The following NEK1 variants were observed in gnomAD, a reference collection of about 807,000 sequenced individuals.
The protein encoded by NEK1 is NIMA related kinase 1.
In NEK1, 137 loss-of-function variants were observed where a neutral mutation model predicts 182.1. That is an observed-to-expected ratio of 0.75 (90% confidence interval 0.65 to 0.87). The LOEUF (loss-of-function observed/expected upper bound fraction) is 0.87, where lower values mean the gene tolerates loss of function less well. Ranked by LOEUF, NEK1 falls within the 40% of genes least tolerant of loss-of-function variation. The probability of loss-of-function intolerance (pLI) is 0.00; values close to 1 mark genes in which losing one functional copy is unlikely to be tolerated. For synonymous variants in NEK1, 513 were observed against 492.2 expected, an observed-to-expected ratio of 1.04 and a Z score of -0.56; for missense variants, 1,391 against 1,494.4, an observed-to-expected ratio of 0.93 and a Z score of 1.14.
intron 18 of NEK1, among the ~76,000 whole-genome samples, chr4:169,548,438 CA>C (rs141947519): frequency 0.058 from 8,780 of 152,302 alleles, 841 homozygotes; most frequent in African/African-American, 0.2. Flanking sequence ...TCAGGATACA[CA>C]GGGGTCAGGG....
At chr4:169,591,785 A>ATAAAGTT (rs1396781011) in intron 5 of NEK1, among the ~76,000 whole-genome samples, 1 of 152,190 alleles carries the variant, frequency 6.6e-6, no homozygotes, top group Non-Finnish European at 1.5e-5. Flanking sequence ...AAAAAGACTG[A>ATAAAGTT]TAAAGTTGAC....
chr4:169,488,654 A>G (rs1749490520), intron 23 of NEK1, among the ~76,000 whole-genome samples: 1 of 152,270 alleles, frequency 6.6e-6, no homozygotes, highest in South Asian at 2.1e-4. Context: ...TTACTGAAGA[A>G]AATGCACCAA....
At chr4:169,502,677 C>T (rs1402465101) in intron 23 of NEK1, among the ~76,000 whole-genome samples, 1 of 152,024 alleles carries the variant, frequency 6.6e-6, no homozygotes, top group Non-Finnish European at 1.5e-5. Flanking sequence ...TAAAATCCAA[C>T]ATTGCTTTAT....
At chr4:169,426,461 T>C (rs1736409208) in intron 29 of NEK1, among the ~76,000 whole-genome samples, 1 of 152,228 alleles carries the variant, frequency 6.6e-6, no homozygotes, top group Non-Finnish European at 1.5e-5. Flanking sequence ...AGGCTCACCA[T>C]GTTTTATAAC....
In NEK1 at chr4:169,576,986, T is replaced by C. The variant is rs373705217; in HGVS notation, c.962A>G (p.Tyr321Cys). 6.2e-7 allele frequency: 1 copy of C among 1,612,818 alleles called. No homozygotes were observed. Among genetic ancestry groups the C allele is most frequent in the African/African-American group, 1.3e-5 (1 of 74,928 alleles). The change falls in exon 12 of 36, where the codon TAT becomes TGT. Residue 321 changes from tyrosine (Y) to cysteine (C), a missense_variant. Transcript: ENST00000507142. ...TAATTTTTTATCTCCATATTTCTTA[T>C]ATGCTAAAGGTATTCCATATTTAGC... Reference protein sequence around the residue: ...PAAKYGIPLAYKKYGDKKLHE... With the variant: ...PAAKYGIPLACKKYGDKKLHE...
intron 19 of NEK1, among the ~76,000 whole-genome samples, chr4:169,512,580 G>C (rs547814547): frequency 1.3e-5 from 2 of 151,804 alleles, no homozygotes; most frequent in East Asian, 3.9e-4. Context: ...CTCTTAACAG[G>C]GTCTTTTGCA....
chr4:169,508,926 G>T, intron 19 of NEK1, 74 bp from the exon 20 acceptor site: 1 of 1,235,642 alleles, frequency 8.1e-7, no homozygotes, highest in Non-Finnish European at 1.1e-6. Flanking sequence ...GAATATCCAG[G>T]TGCTACTTTA....
chr4:169,510,104 C>T (rs1332428955), intron 19 of NEK1, among the ~76,000 whole-genome samples: 1 of 152,108 alleles, frequency 6.6e-6, no homozygotes, highest in Non-Finnish European at 1.5e-5. Flanking sequence ...TTTCAATTGT[C>T]ACTATTTTTC....
chr4:169,528,889 C>T (rs1007562622), intron 19 of NEK1, among the ~76,000 whole-genome samples: 21 of 151,980 alleles, frequency 1.4e-4, no homozygotes, highest in African/African-American at 3.9e-4. Flanking sequence ...CCCTAACAAA[C>T]GTAAAAGGAC....
intron 27 of NEK1, among the ~76,000 whole-genome samples, chr4:169,455,232 T>A (rs1223015911): frequency 6.6e-6 from 1 of 151,932 alleles, no homozygotes; most frequent in African/African-American, 2.4e-5. Context: ...ATGTAAATGA[T>A]GAGTTGATTG....
intron 30 of NEK1, among the ~76,000 whole-genome samples, chr4:169,425,325 G>A (rs1736189802): frequency 1.3e-5 from 2 of 152,102 alleles, no homozygotes; most frequent in Non-Finnish European, 2.9e-5. Context: ...TCTGGAGGAT[G>A]AGGTGAGGGT....
chr4:169,413,557 A>G (rs936707895), intron 31 of NEK1, among the ~76,000 whole-genome samples: 1 of 152,230 alleles, frequency 6.6e-6, no homozygotes, highest in Non-Finnish European at 1.5e-5. Flanking sequence ...TTATGAATAA[A>G]TAAGTGATAA....
intron 26 of NEK1, among the ~76,000 whole-genome samples, chr4:169,469,739 T>C (rs1405973611): frequency 1.3e-5 from 2 of 152,146 alleles, no homozygotes; most frequent in Non-Finnish European, 2.9e-5. Flanking sequence ...CCCACTATTA[T>C]TATGTGGGAG....
chr4:169,571,857 T>G (rs1345184649), intron 12 of NEK1, among the ~76,000 whole-genome samples: 1 of 151,404 alleles, frequency 6.6e-6, no homozygotes, highest in Non-Finnish European at 1.5e-5. Context: ...GCCTCCTGAG[T>G]AGCTGGGATT....
At chr4:169,592,890 C>T (rs1768781786) in intron 5 of NEK1, among the ~76,000 whole-genome samples, 1 of 151,944 alleles carries the variant, frequency 6.6e-6, no homozygotes, top group Non-Finnish European at 1.5e-5. Flanking sequence ...AGCTTTTTAA[C>T]AGAGATATAT....
chr4:169,415,057 T>A (rs1262208394), intron 31 of NEK1, among the ~76,000 whole-genome samples: 1 of 152,244 alleles, frequency 6.6e-6, no homozygotes, highest in East Asian at 1.9e-4. Flanking sequence ...CTGCATGGCA[T>A]GCCTTTGCAG....
intron 19 of NEK1, among the ~76,000 whole-genome samples, chr4:169,528,436 C>A (rs1483196228): frequency 1.3e-5 from 2 of 152,140 alleles, no homozygotes; most frequent in Non-Finnish European, 2.9e-5. Context: ...GAAATAAATT[C>A]TCTCACTAAC....
Position 169,400,558 on chromosome 4 carries a change from C to T in NEK1, c.3677G>A (p.Gly1226Asp). 2 of 1,607,480 alleles carry T rather than the reference C, an allele frequency of 1.2e-6. No homozygotes were observed. Among genetic ancestry groups the T allele is most frequent in the Non-Finnish European group, 1.7e-6 (2 of 1,177,548 alleles). Residue 1226 changes from glycine (G) to aspartate (D), a missense_variant, in exon 34 of 36, where the codon GGC (glycine) becomes GAC (aspartate). Gly to Asp is a moderately conservative substitution (Grantham distance 94). Coordinates refer to ENST00000507142, the MANE Select transcript of NEK1 (RefSeq NM_001199397.3). ...ELRLHLEQEM[G>D]FEKFFEVYEK... Reference sequence around the variant, plus strand: ...ATAAACCTCAAAGAATTTTTCAAAGCCCATTTCCTGCTCCAGATGAAGTCT... The same window carrying T: ...ATAAACCTCAAAGAATTTTTCAAAGTCCATTTCCTGCTCCAGATGAAGTCT...
chr4:169,577,199 T>C (rs1380902038), intron 11 of NEK1, 120 bp from the exon 12 acceptor site: 5 of 949,792 alleles, frequency 5.3e-6, no homozygotes, highest in Non-Finnish European at 7.7e-6. Context: ...TTAAACTTTC[T>C]ATCAAATATC....
Sources: allele counts gnomAD v4.1 joint callset (sites outside exome capture counted in the v4.1 genomes callset), GRCh38; gene constraint gnomAD v4.1.1; transcripts MANE v1.5; gene names NCBI Gene and HGNC (gene_info 2026-07-23, HGNC 2026-07-21).